The following THSD1 variants were observed in gnomAD, a reference collection of about 807,000 sequenced individuals.
THSD1 encodes the protein thrombospondin type-1 domain-containing protein 1.
In THSD1, 34 loss-of-function variants were observed where a neutral mutation model predicts 46.3. That is an observed-to-expected ratio of 0.74 (90% confidence interval 0.56 to 0.98). The LOEUF (loss-of-function observed/expected upper bound fraction) is 0.98, where lower values mean the gene tolerates loss of function less well. THSD1 is among the 50% of genes least tolerant of loss of function. The pLI is 0.00. For synonymous variants in THSD1, 407 were observed against 416.5 expected, an observed-to-expected ratio of 0.98 and a Z score of 0.28; for missense variants, 1,023 against 1,058.3, an observed-to-expected ratio of 0.97 and a Z score of 0.46.
chr13:52,395,401 T>C (rs1594102392), intron 3 of THSD1, among the ~76,000 whole-genome samples: 1 of 152,024 alleles, frequency 6.6e-6, no homozygotes, highest in Non-Finnish European at 1.5e-5. Flanking sequence ...TGGCTTCTGG[T>C]TTGAACAGTA....
chr13:52,393,972 C>A (rs563652019), intron 3 of THSD1, among the ~76,000 whole-genome samples: 4 of 152,284 alleles, frequency 2.6e-5, no homozygotes, highest in Non-Finnish European at 5.9e-5. Flanking sequence ...TGTTTAGCTC[C>A]CCCAGTTACT....
At chr13:52,387,698 A>T (rs984013219) in intron 3 of THSD1, among the ~76,000 whole-genome samples, 1 of 152,242 alleles carries the variant, frequency 6.6e-6, no homozygotes, top group Non-Finnish European at 1.5e-5. Flanking sequence ...AGGCTCATCA[A>T]TAGACTTGAC....
chr13:52,381,634 C>T (rs1006449617), intron 4 of THSD1, among the ~76,000 whole-genome samples: 2 of 152,174 alleles, frequency 1.3e-5, no homozygotes, highest in African/African-American at 2.4e-5. Context: ...GAACTGTCCT[C>T]CTATAAAAGG....
chr13:52,403,938 ATTTTTTTTTTTTT>A (rs67802176), intron 1 of THSD1, among the ~76,000 whole-genome samples: 6 of 63,884 alleles, frequency 9.4e-5, no homozygotes, highest in African/African-American at 4.7e-4. Flanking sequence ...CATTATTCAC[ATTTTTTTTTTTTT>A]TTTTTTTTTT....
At chr13:52,380,525 T>C (rs1220066674) in intron 4 of THSD1, among the ~76,000 whole-genome samples, 1 of 151,024 alleles carries the variant, frequency 6.6e-6, no homozygotes, top group South Asian at 2.1e-4. Context: ...TTTTTTTTTT[T>C]CTTTTCCACC....
At chr13:52,395,418 T>C (rs922385917) in intron 3 of THSD1, among the ~76,000 whole-genome samples, 1 of 151,904 alleles carries the variant, frequency 6.6e-6, no homozygotes, top group African/African-American at 2.4e-5. Flanking sequence ...AGTAAGATGG[T>C]TGGTGAAGTC....
chr13:52,396,253 G>A (rs1371824774), intron 3 of THSD1, among the ~76,000 whole-genome samples: 2 of 152,204 alleles, frequency 1.3e-5, no homozygotes, highest in African/African-American at 4.8e-5. Flanking sequence ...GCTGGGCGCA[G>A]TGGCTCATGC....
intron 3 of THSD1, among the ~76,000 whole-genome samples, chr13:52,392,190 C>CA (rs368671089): frequency 0.056 from 3,868 of 69,634 alleles, 289 homozygotes; most frequent in African/African-American, 0.13. Flanking sequence ...AGACTCCTCT[C>CA]AAAAAAAAAA....
chr13:52,392,594 G>T (rs1375813905), intron 3 of THSD1, among the ~76,000 whole-genome samples: 1 of 152,172 alleles, frequency 6.6e-6, no homozygotes. Flanking sequence ...TGTTTGTCCA[G>T]GCTAAATGCC....
At chr13:52,390,966 A>G (rs1957768847) in intron 3 of THSD1, among the ~76,000 whole-genome samples, 1 of 152,182 alleles carries the variant, frequency 6.6e-6, no homozygotes, top group Non-Finnish European at 1.5e-5. Context: ...TTATATGTAT[A>G]TATAAATAAT....
chr13:52,397,992 C>T lies in THSD1; in HGVS notation c.261G>A (p.Lys87=), dbSNP rs1399644621. The change falls in exon 3 of 5, where the codon AAG becomes AAA. Residue 87 remains lysine, a synonymous_variant. Coordinates refer to ENST00000258613, the MANE Select transcript of THSD1 (RefSeq NM_018676.4). ...LLTNQSQGTL[K]FECFYFKEAG... ...CCTCCTTGAAATAGAAGCACTCAAACTTTAGTGTTCCCTGGGACTGGTTGG... is the reference window on the plus strand; with the variant it reads ...CCTCCTTGAAATAGAAGCACTCAAATTTTAGTGTTCCCTGGGACTGGTTGG... 3 of 1,614,124 alleles carry T rather than the reference C, an allele frequency of 1.9e-6. No homozygotes were observed. The highest frequency in any genetic ancestry group is 2.2e-5 in the East Asian group (1 of 44,900).
At chr13:52,404,276 T>G (rs1200235921) in intron 1 of THSD1, among the ~76,000 whole-genome samples, 1 of 152,140 alleles carries the variant, frequency 6.6e-6, no homozygotes, top group Admixed American at 6.6e-5. Flanking sequence ...AGCAAGTATA[T>G]TATATTCCAA....
At chr13:52,401,037 T>TGC in intron 2 of THSD1, among the ~76,000 whole-genome samples, 1 of 152,068 alleles carries the variant, frequency 6.6e-6, no homozygotes, top group East Asian at 1.9e-4. Context: ...TGCAGTGGCA[T>TGC]GATCTCGGCT....
rs1214856446 is a variant in THSD1 at position 52,392,211 on chromosome 13, AG to A, written c.1021+5020del. 6.5e-3 allele frequency among the ~76,000 whole-genome samples: 973 copies of A among 149,968 alleles called. 18 individuals are homozygous for A. Among genetic ancestry groups the A allele is most frequent in the African/African-American group, 0.022 (882 of 40,916 alleles). Reference sequence around the variant, plus strand: ...CTCTCAAAAAAAAAAAAAAAAAAAAAGTAAAATCATAGCATGTAGGATACCA... The same window carrying A: ...CTCTCAAAAAAAAAAAAAAAAAAAAATAAAATCATAGCATGTAGGATACCA... On this transcript the variant is annotated intron_variant, in intron 3 of 4. Coordinates refer to ENST00000258613, the MANE Select transcript of THSD1 (RefSeq NM_018676.4).
chr13:52,386,096 A>C lies in THSD1; in HGVS notation c.1112T>G (p.Phe371Cys). 6.2e-7 allele frequency: 1 copy of C among 1,614,068 alleles called. No homozygotes were observed. Among genetic ancestry groups the C allele is most frequent in the Non-Finnish European group, 8.5e-7 (1 of 1,179,992 alleles). The change falls in exon 4 of 5, where the codon TTC becomes TGC. Residue 371 changes from phenylalanine to cysteine, a missense_variant. Coordinates refer to ENST00000258613, the MANE Select transcript of THSD1 (RefSeq NM_018676.4). Reference protein sequence around the residue: ...RERRRVCLTSFPSSPVCPGMS... With the variant: ...RERRRVCLTSCPSSPVCPGMS... Reference sequence around the variant, plus strand: ...TCCAGGGCAGACAGGACTGGAGGGGAAGGAAGTGAGACACACTCGGCGACG... The same window carrying C: ...TCCAGGGCAGACAGGACTGGAGGGGCAGGAAGTGAGACACACTCGGCGACG...
intron 2 of THSD1, 51 bp from the exon 3 acceptor site, chr13:52,398,245 C>T (rs1957826863): frequency 6.5e-7 from 1 of 1,545,430 alleles, no homozygotes; most frequent in African/African-American, 1.4e-5. Context: ...TTGAGAAGAA[C>T]TATTAGTGAC....
chr13:52,384,609 T>C lies in THSD1; in HGVS notation c.1180+1419A>G, dbSNP rs114873720. Among the ~76,000 whole-genome samples, 276 of 152,316 alleles carry C rather than the reference T, an allele frequency of 1.8e-3. 2 individuals carry two copies. The highest frequency in any genetic ancestry group is 6.2e-3 in the African/African-American group (258 of 41,568). The stretch of plus-strand genomic sequence containing the variant: ...TGTCACACAGCAGATAACCAATTAA[T>C]GGTAATAACAATAAATAAATATTGT... On this transcript the variant is annotated intron_variant, in intron 4 of 4. Coordinates refer to ENST00000258613, the MANE Select transcript of THSD1 (RefSeq NM_018676.4).
rs75734057 is a variant in THSD1, at chr13:52,396,479, G to A, written c.1021+753C>T. On this transcript the variant is annotated intron_variant, in intron 3 of 4. Transcript: ENST00000258613. ...AGAGCTTGCAGTGAGCCGAGATCGC[G>A]CCACTGCACTCCATCCAGTCTGGGC... 1.0e-3 allele frequency among the ~76,000 whole-genome samples: 159 copies of A among 152,218 alleles called. 3 individuals carry two copies. In the East Asian group the frequency reaches 0.028, roughly 27 times the overall value.
At chr13:52,383,557 A>T (rs1957707910) in intron 4 of THSD1, among the ~76,000 whole-genome samples, 2 of 152,200 alleles carry the variant, frequency 1.3e-5, no homozygotes, top group Non-Finnish European at 2.9e-5. Flanking sequence ...CACACCATGA[A>T]CCTCTTCACT....
Sources: allele counts gnomAD v4.1 joint callset (sites outside exome capture counted in the v4.1 genomes callset), GRCh38; gene constraint gnomAD v4.1.1; transcripts MANE v1.5; gene names NCBI Gene and HGNC (gene_info 2026-07-23, HGNC 2026-07-21).